Variants in EXOC4 observed in about 807,000 individuals in gnomAD.
The protein encoded by EXOC4 is exocyst complex component 4.
A neutral mutation model predicts 107.2 loss-of-function variants in EXOC4; 71 were observed. That is an observed-to-expected ratio of 0.66 (90% CI 0.55 to 0.81). The LOEUF (loss-of-function observed/expected upper bound fraction) is 0.81. Among genes scored for constraint, EXOC4 ranks in the 30% least tolerant of loss-of-function variants. EXOC4 has a pLI of 0.00. For synonymous variants in EXOC4, 456 were observed against 441.2 expected (o/e 1.03, Z -0.42); for missense variants, 1,108 against 1,189.6 (o/e 0.93, Z 1.01).
At chr7:133,409,459 G>A (rs1335095497) in intron 7 of EXOC4, among the ~76,000 whole-genome samples, 1 of 152,118 alleles carries the variant, frequency 6.6e-6, no homozygotes, top group Non-Finnish European at 1.5e-5. Flanking sequence ...AGAATATGCT[G>A]GAGGCTAAAT....
At chr7:133,683,845 G>A (rs1342691236) in intron 10 of EXOC4, among the ~76,000 whole-genome samples, 1 of 151,808 alleles carries the variant, frequency 6.6e-6, no homozygotes, top group Non-Finnish European at 1.5e-5. Context: ...ATAACAAGCT[G>A]GTAAATATCT....
chr7:133,408,459 ATGG>A (rs1797279114), intron 7 of EXOC4, among the ~76,000 whole-genome samples: 1 of 148,854 alleles, frequency 6.7e-6, no homozygotes, highest in Admixed American at 6.7e-5. Flanking sequence ...GGTAGAGATG[ATGG>A]TGATGATGAT....
chr7:133,490,702 A>C (rs370378176), intron 9 of EXOC4, among the ~76,000 whole-genome samples: 1 of 152,200 alleles, frequency 6.6e-6, no homozygotes, highest in Non-Finnish European at 1.5e-5. Context: ...GGCTTTGGCC[A>C]TTGTTCATCC....
chr7:134,024,216 C>T (rs572666280), intron 17 of EXOC4, among the ~76,000 whole-genome samples: 12 of 152,172 alleles, frequency 7.9e-5, no homozygotes, highest in Admixed American at 2.6e-4. Flanking sequence ...TTTGGGAGGC[C>T]GAGGCAGGCG....
At chr7:133,951,631 T>A (rs1219634739) in intron 14 of EXOC4, among the ~76,000 whole-genome samples, 1 of 152,254 alleles carries the variant, frequency 6.6e-6, no homozygotes, top group East Asian at 1.9e-4. Flanking sequence ...CCATTCTGCC[T>A]GATACTTTAA....
chr7:133,321,017 C>T (rs948652079), intron 5 of EXOC4, among the ~76,000 whole-genome samples: 1 of 152,144 alleles, frequency 6.6e-6, no homozygotes, highest in South Asian at 2.1e-4. Context: ...GGGAATTTAA[C>T]ATAGGCTCTT....
At chr7:133,544,684 G>C (rs145223218) in intron 9 of EXOC4, among the ~76,000 whole-genome samples, 46 of 151,852 alleles carry the variant, frequency 3.0e-4, no homozygotes, top group African/African-American at 1.1e-3. Flanking sequence ...AAGTTTGTTA[G>C]ATATTTTGTC....
chr7:133,473,762 G>A lies in EXOC4; in HGVS notation c.1183-1566G>A, dbSNP rs552345592. Among the ~76,000 whole-genome samples the A allele has an allele frequency of 1.1e-3, 163 of 151,306 alleles. 5 individuals are homozygous for A. In the South Asian group the frequency reaches 0.032, roughly 29 times the overall value. On this transcript the variant is annotated intron_variant, in intron 7 of 17. Coordinates refer to ENST00000253861, the MANE Select transcript of EXOC4 (RefSeq NM_021807.4). ...GTCGCCCAGGCTGGAGTGCAGAGGC[G>A]CGATCTCTGCTCACTGCAAGCTCCG...
At chr7:133,667,273 A>T (rs907120885) in intron 10 of EXOC4, among the ~76,000 whole-genome samples, 1 of 152,216 alleles carries the variant, frequency 6.6e-6, no homozygotes, top group African/African-American at 2.4e-5. Flanking sequence ...CTGGCTTTCT[A>T]ACCTGCTTGC....
intron 7 of EXOC4, among the ~76,000 whole-genome samples, chr7:133,448,980 C>T (rs1369113617): frequency 6.6e-6 from 1 of 152,170 alleles, no homozygotes; most frequent in Non-Finnish European, 1.5e-5. Context: ...TGGCACATGC[C>T]TGTAATCCCA....
intron 7 of EXOC4, among the ~76,000 whole-genome samples, chr7:133,395,384 C>A (rs1376057727): frequency 6.6e-6 from 1 of 151,978 alleles, no homozygotes; most frequent in East Asian, 1.9e-4. Flanking sequence ...AAGAATGATG[C>A]CCTTTTCTTT....
rs753916487 is a variant in EXOC4, at chr7:134,005,046, T to C, written c.2483T>C (p.Met828Thr). ...NKDISAIEEA[M>T]SASLQQHKFQ... is the part of the protein sequence containing the mutation. ...GATATCAGCGCCATTGAAGAGGCCA[T>C]GAGCGCCAGCCTTCAGCAGCACAAG... Residue 828 changes from methionine (M) to threonine (T), a missense_variant, in exon 16 of 18, where the codon ATG (methionine) becomes ACG (threonine). By Grantham distance (81) the Met-to-Thr change is moderately conservative. Transcript: ENST00000253861. 1.1e-5 allele frequency: 17 copies of C among 1,613,540 alleles called. No homozygotes were observed. The highest frequency in any genetic ancestry group is 1.4e-5 in the Non-Finnish European group (17 of 1,179,592).
rs1484049811 is a variant in EXOC4 at position 134,028,660 on chromosome 7, T to G, written c.2687+20825T>G. 2.0e-5 allele frequency among the ~76,000 whole-genome samples: 3 copies of G among 152,196 alleles called. No homozygotes were observed. The East Asian group carries it at 5.8e-4, about 29-fold the overall frequency. ...AGATGAGTGTCTTCACCTAACTTGT[T>G]AAGTGCCAACTAGTCTTCTGCCTCC... On this transcript the variant is annotated intron_variant, in intron 17 of 17. Coordinates refer to ENST00000253861, the MANE Select transcript of EXOC4 (RefSeq NM_021807.4).
intron 14 of EXOC4, among the ~76,000 whole-genome samples, chr7:133,950,000 T>C (rs1051230700): frequency 2.0e-5 from 3 of 152,206 alleles, no homozygotes; most frequent in East Asian, 1.9e-4. Flanking sequence ...TCTTCCCTTC[T>C]TCTTTTTTAT....
intron 10 of EXOC4, among the ~76,000 whole-genome samples, chr7:133,681,755 T>C (rs1269533830): frequency 6.6e-6 from 1 of 152,112 alleles, no homozygotes; most frequent in African/African-American, 2.4e-5. Flanking sequence ...ATTTGGCCTT[T>C]ACTTCTCGGT....
intron 3 of EXOC4, among the ~76,000 whole-genome samples, chr7:133,303,529 T>A (rs1052259568): frequency 1.3e-5 from 2 of 152,234 alleles, no homozygotes; most frequent in Non-Finnish European, 2.9e-5. Flanking sequence ...TTGGTTTGAG[T>A]ACCACTTAGT....
At chr7:133,452,291 T>G (rs542147825) in intron 7 of EXOC4, among the ~76,000 whole-genome samples, 9 of 151,904 alleles carry the variant, frequency 5.9e-5, no homozygotes, top group Admixed American at 1.3e-4. Context: ...AGTATAAGAT[T>G]AGGAAAAAAA....
At chr7:133,332,055 A>G (rs551141353) in intron 5 of EXOC4, among the ~76,000 whole-genome samples, 1 of 152,260 alleles carries the variant, frequency 6.6e-6, no homozygotes, top group East Asian at 1.9e-4. Flanking sequence ...ATGTCTTTTC[A>G]TTTGGCAAAC....
rs113411152 is a variant in EXOC4 at position 133,901,054 on chromosome 7, G to T, written c.1871+5319G>T. ...CTGGCTAATTTTTGTAGTTTTAGTA[G>T]AGATGGGGTTTCACCATGTTGGCCA... is the stretch of plus-strand genomic sequence containing the variant. On this transcript the variant is annotated intron_variant, in intron 12 of 17. Transcript: ENST00000253861. 3.1e-3 allele frequency among the ~76,000 whole-genome samples: 477 copies of T among 152,218 alleles called. 5 individuals are homozygous for T. The highest frequency in any genetic ancestry group is 0.011 in the African/African-American group (462 of 41,548).
Sources: allele counts gnomAD v4.1 joint callset (sites outside exome capture counted in the v4.1 genomes callset), GRCh38; gene constraint gnomAD v4.1.1; transcripts MANE v1.5; gene names NCBI Gene and HGNC (gene_info 2026-07-23, HGNC 2026-07-21).